Variants in ALDH1L1 observed in about 807,000 individuals in gnomAD.
The protein encoded by ALDH1L1 is aldehyde dehydrogenase 1 family member L1.
ALDH1L1 carries 68 observed loss-of-function variants against 101.1 expected under a neutral mutation model. The observed-to-expected ratio is 0.67, with a 90% CI of 0.55 to 0.82. The LOEUF is 0.82. Ranked by LOEUF, ALDH1L1 falls within the 40% of genes least tolerant of loss-of-function variation. The pLI is 0.00. For synonymous variants in ALDH1L1, 486 were observed against 470.8 expected, an observed-to-expected ratio of 1.03 and a Z score of -0.42; for missense variants, 1,087 against 1,172.7, an observed-to-expected ratio of 0.93 and a Z score of 1.07.
At position 126,135,559 on chromosome 3, in the gene ALDH1L1, C is replaced by G; in HGVS notation, c.1448G>C (p.Arg483Pro). ...CCTGTACATCAGCCGGCCCCGGTCC[C>G]GCGCACTGATCTTCCCCCACCGTCC... ...ENGRWGKISA[R>P]DRGRLMYRLA... The change falls in exon 12 of 23, where the codon CGG (arginine) becomes CCG (proline). Residue 483 changes from arginine to proline, a missense_variant. By Grantham distance (103) the Arg-to-Pro change is moderately radical (BLOSUM62 -2). Around this residue, in one of 2 missense-constraint regions of ALDH1L1, gnomAD observed 645 missense variants for 637.0 expected, o/e 1.01. Transcript: ENST00000393434. 1 of 1,607,696 alleles carries G rather than the reference C, an allele frequency of 6.2e-7. No individual in the cohort carries two copies. The highest frequency in any genetic ancestry group is 8.5e-7 in the Non-Finnish European group (1 of 1,177,602).
At chr3:126,182,303 C>A (rs2081483241), upstream of ALDH1L1, among the ~76,000 whole-genome samples, 1 of 152,154 alleles carries the variant, frequency 6.6e-6, no homozygotes, top group Non-Finnish European at 1.5e-5. Context: ...TGCGCCACCA[C>A]ACCCAGCTAA....
At chr3:126,181,085 C>A, upstream of ALDH1L1, 1 of 1,296,912 alleles carries the variant, frequency 7.7e-7, no homozygotes, top group South Asian at 1.3e-5. Context: ...TTCTGCCCGC[C>A]CAGTGCCTAC....
At chr3:126,105,536 G>A (rs562683844) in intron 22 of ALDH1L1, 190 bp downstream of exon 22, 66 of 684,976 alleles carry the variant, frequency 9.6e-5, no homozygotes, top group Non-Finnish European at 1.5e-4. Flanking sequence ...TTCCCAGCAC[G>A]ACCCCCCTCT....
In ALDH1L1 at chr3:126,157,526, G is replaced by A. The variant is rs150688929; in HGVS notation, c.363-18C>T. Reference sequence around the variant, plus strand: ...TGAGGGTCCTAGGAAGCAGAAGAGTGAAACCTGGAGTCCACGATGAAGGGC... The same window carrying A: ...TGAGGGTCCTAGGAAGCAGAAGAGTAAAACCTGGAGTCCACGATGAAGGGC... On this transcript the variant is annotated intron_variant, in intron 3 of 22. Transcript: ENST00000393434. The A allele has an allele frequency of 2.4e-5, 38 of 1,610,646 alleles. No individual in the cohort carries two copies. The highest frequency in any genetic ancestry group is 1.7e-4 in the Middle Eastern group (1 of 6,046).
At chr3:126,127,790 G>A (rs1249309566) in intron 14 of ALDH1L1, among the ~76,000 whole-genome samples, 2 of 152,234 alleles carry the variant, frequency 1.3e-5, no homozygotes, top group Non-Finnish European at 2.9e-5. Context: ...GGGCTCTCTA[G>A]CTCTGATCAC....
upstream of ALDH1L1, among the ~76,000 whole-genome samples, chr3:126,183,566 A>G (rs1367054482): frequency 6.6e-6 from 1 of 152,182 alleles, no homozygotes; most frequent in Non-Finnish European, 1.5e-5. Context: ...ACTGAGTCCT[A>G]TTCAAGAGAC....
chr3:126,103,922 C>T, intron 22 of ALDH1L1, 76 bp from the exon 23 acceptor site: 12 of 1,533,910 alleles, frequency 7.8e-6, no homozygotes, highest in Non-Finnish European at 9.8e-6. Context: ...TGTCTTATTC[C>T]TCAGCAACCA....
chr3:126,110,146 T>C (rs1199933801), intron 19 of ALDH1L1, 37 bp from the exon 20 acceptor site: 6 of 1,609,238 alleles, frequency 3.7e-6, no homozygotes, highest in Middle Eastern at 1.7e-4. Flanking sequence ...TGGCTTGTGC[T>C]GCCACAGTTT....
At chr3:126,133,780 G>A (rs764261904) in intron 12 of ALDH1L1, among the ~76,000 whole-genome samples, 4 of 152,156 alleles carry the variant, frequency 2.6e-5, no homozygotes, top group Non-Finnish European at 5.9e-5. Flanking sequence ...CAGCAGGCTC[G>A]GCCGGCCCTA....
chr3:126,124,229 TG>T (rs2080134260), intron 16 of ALDH1L1, 134 bp downstream of exon 16: 1 of 731,052 alleles, frequency 1.4e-6, no homozygotes, highest in African/African-American at 1.8e-5. Flanking sequence ...GGGCCTCCTT[TG>T]TCACAGGCTG....
In ALDH1L1 at chr3:126,158,622, CCTT is replaced by C; in HGVS notation, c.142_144del (p.Lys48del). 6.2e-7 allele frequency: 1 copy of C among 1,612,918 alleles called. No homozygotes were observed. The highest frequency in any genetic ancestry group is 8.5e-7 in the Non-Finnish European group (1 of 1,178,946). On this transcript the variant is annotated inframe_deletion, in exon 3 of 23. Transcript: ENST00000393434. ...GAGTACTTGAATACCGGCACTCCAT[CCTT>C]CTCAGCTTCCAGACCTGTGGGACGG... is the stretch of plus-strand genomic sequence containing the variant.
intron 2 of ALDH1L1, chr3:126,159,313 C>G (rs532197877): frequency 2.5e-5 from 10 of 406,190 alleles, no homozygotes; most frequent in African/African-American, 2.1e-4. Flanking sequence ...ACCCTCCTCA[C>G]AGGTCTGGAT....
At chr3:126,162,967 G>A (rs1023044608) in intron 1 of ALDH1L1, among the ~76,000 whole-genome samples, 4 of 152,262 alleles carry the variant, frequency 2.6e-5, no homozygotes, top group South Asian at 2.1e-4. Context: ...GATCATACAT[G>A]TACACATCTA....
intron 8 of ALDH1L1, among the ~76,000 whole-genome samples, chr3:126,148,267 AG>A (rs2080737234): frequency 6.6e-6 from 1 of 152,232 alleles, no homozygotes; most frequent in Non-Finnish European, 1.5e-5. Context: ...TGTGTGAGGC[AG>A]GCAGAGAGTC....
At chr3:126,180,410 G>T in intron 1 of ALDH1L1, 66 bp downstream of exon 1, 1 of 982,070 alleles carries the variant, frequency 1.0e-6, no homozygotes, top group South Asian at 4.7e-5. Context: ...GGAGCCCCCG[G>T]AGCTGCAGCC....
At chr3:126,183,952 G>T (rs1372991986), upstream of ALDH1L1, among the ~76,000 whole-genome samples, 1 of 152,202 alleles carries the variant, frequency 6.6e-6, no homozygotes, top group African/African-American at 2.4e-5. Flanking sequence ...AGTAGTTTGT[G>T]GCCAGTAGGT....
chr3:126,107,397 G>T, intron 20 of ALDH1L1, 151 bp from the exon 21 acceptor site: 1 of 636,190 alleles, frequency 1.6e-6, no homozygotes, highest in Non-Finnish European at 2.8e-6. Flanking sequence ...GTGTCACCAC[G>T]CTGCAGATGG....
intron 1 of ALDH1L1, among the ~76,000 whole-genome samples, chr3:126,174,046 T>A (rs2081330069): frequency 6.6e-6 from 1 of 152,142 alleles, no homozygotes; most frequent in Non-Finnish European, 1.5e-5. Flanking sequence ...CCACTAACGT[T>A]TTTTTTGGGG....
chr3:126,148,604 G>A (rs1417699288), intron 8 of ALDH1L1, among the ~76,000 whole-genome samples: 1 of 152,170 alleles, frequency 6.6e-6, no homozygotes, highest in Non-Finnish European at 1.5e-5. Context: ...GCTGCACGGT[G>A]AACAGCTAGA....
Sources: gnomAD v4.1 joint callset for allele counts (sites outside exome capture counted in the v4.1 genomes callset) on GRCh38, gnomAD v4.1.1 for gene constraint, gnomAD v4.1.1 regional missense constraint, MANE v1.5 for transcripts, NCBI Gene and HGNC (gene_info 2026-07-23, HGNC 2026-07-21) for gene names.